Variants in TTC28 observed in about 807,000 individuals in gnomAD.
The protein encoded by TTC28 is tetratricopeptide repeat domain 28, also known as tetratricopeptide repeat protein 28.
TTC28 carries 61 observed loss-of-function variants against 198.0 expected under a neutral mutation model. The ratio of observed to expected loss-of-function variants is 0.31; its 90% confidence interval spans 0.25 to 0.38. The LOEUF is 0.38. Among genes scored for constraint, TTC28 ranks in the 10% least tolerant of loss-of-function variants. The pLI, the probability that TTC28 is intolerant of heterozygous loss-of-function variation, is 1.00. For synonymous variants in TTC28, 1,171 were observed against 1,297.8 expected, an observed-to-expected ratio of 0.90 and a Z score of 2.10; for missense variants, 2,678 against 3,164.0, an observed-to-expected ratio of 0.85 and a Z score of 3.69.
intron 2 of TTC28, among the ~76,000 whole-genome samples, chr22:28,355,840 C>A (rs2046069301): frequency 6.6e-6 from 1 of 152,190 alleles, no homozygotes; most frequent in African/African-American, 2.4e-5. Context: ...ACTATGGAGT[C>A]CAGAACAACG....
At chr22:28,453,902 A>C (rs2047820584) in intron 2 of TTC28, among the ~76,000 whole-genome samples, 1 of 152,198 alleles carries the variant, frequency 6.6e-6, no homozygotes, top group Non-Finnish European at 1.5e-5. Context: ...AAAGGCTTTA[A>C]CATGGCCTAC....
At chr22:28,530,024 C>T (rs1473370164) in intron 2 of TTC28, among the ~76,000 whole-genome samples, 1 of 152,192 alleles carries the variant, frequency 6.6e-6, no homozygotes, top group Non-Finnish European at 1.5e-5. Context: ...CGAAGCTCCT[C>T]GCCAGCAACG....
intron 2 of TTC28, among the ~76,000 whole-genome samples, chr22:28,465,448 A>AC (rs1326243158): frequency 2.0e-5 from 3 of 151,962 alleles, no homozygotes; most frequent in African/African-American, 7.3e-5. Flanking sequence ...ACAAGGTGAA[A>AC]CCCCGTTTCT....
intron 6 of TTC28, among the ~76,000 whole-genome samples, chr22:28,147,791 A>T (rs1174782267): frequency 6.6e-6 from 1 of 152,226 alleles, no homozygotes; most frequent in African/African-American, 2.4e-5. Flanking sequence ...AATAAGTGTC[A>T]TTCCTTTATC....
intron 6 of TTC28, among the ~76,000 whole-genome samples, chr22:28,157,022 A>G (rs1474453786): frequency 1.3e-5 from 2 of 152,220 alleles, no homozygotes; most frequent in East Asian, 3.8e-4. Context: ...GGTTGTTTGA[A>G]AAGTTAAACA....
chr22:28,580,311 C>T lies in TTC28; in HGVS notation c.381+49241G>A, dbSNP rs56904645. Among the ~76,000 whole-genome samples the T allele has an allele frequency of 2.5e-4, 38 of 152,306 alleles. 1 individual carries two copies. In the East Asian group the frequency reaches 7.3e-3, roughly 29 times the overall value. ...TTTTACTATCTCCCTTACCTCCCTA[C>T]AAAGATGCCCTTTATGGTATTTTTA... On this transcript the variant is annotated intron_variant, in intron 2 of 22. Coordinates refer to ENST00000397906, the MANE Select transcript of TTC28 (RefSeq NM_001145418.2).
chr22:28,516,381 T>C (rs750801145), intron 2 of TTC28, among the ~76,000 whole-genome samples: 17 of 152,096 alleles, frequency 1.1e-4, no homozygotes, highest in Non-Finnish European at 2.1e-4. Context: ...AATTGTAAAA[T>C]AGGTGCCACG....
At chr22:28,000,953 C>T (rs1226468258) in intron 15 of TTC28, 3 of 164,378 alleles carry the variant, frequency 1.8e-5, no homozygotes, top group Non-Finnish European at 2.7e-5. Context: ...GTCTGCCCTC[C>T]CTGCCTGGGG....
intron 6 of TTC28, among the ~76,000 whole-genome samples, chr22:28,135,678 T>C (rs985143344): frequency 1.3e-5 from 2 of 152,106 alleles, no homozygotes; most frequent in African/African-American, 4.8e-5. Flanking sequence ...GTTGAGGAAG[T>C]AGAACTTTGT....
intron 6 of TTC28, among the ~76,000 whole-genome samples, chr22:28,125,683 A>T (rs552184880): frequency 1.3e-5 from 2 of 152,234 alleles, no homozygotes; most frequent in Non-Finnish European, 2.9e-5. Flanking sequence ...GTTCATAAAG[A>T]TCTGCTTGAA....
intron 12 of TTC28, among the ~76,000 whole-genome samples, chr22:28,083,331 G>A (rs1184259402): frequency 6.6e-6 from 1 of 152,114 alleles, no homozygotes; most frequent in Non-Finnish European, 1.5e-5. Context: ...TTGAAATACA[G>A]TATTCACCAA....
rs143375023 is a variant in TTC28, at chr22:28,372,399, T to G, written c.382-65756A>C. On this transcript the variant is annotated intron_variant, in intron 2 of 22. Transcript: ENST00000397906. Reference sequence around the variant, plus strand: ...AGAACTTTCAGTGTAAAATTACTGCTGCTTTGAAACTGCAGCATTTCACTC... The same window carrying G: ...AGAACTTTCAGTGTAAAATTACTGCGGCTTTGAAACTGCAGCATTTCACTC... 2.9e-4 allele frequency among the ~76,000 whole-genome samples: 44 copies of G among 152,348 alleles called. 1 individual carries two copies. The highest frequency in any genetic ancestry group is 1.0e-3 in the African/African-American group (42 of 41,586).
At chr22:28,477,028 T>C (rs1282548794) in intron 2 of TTC28, among the ~76,000 whole-genome samples, 1 of 152,204 alleles carries the variant, frequency 6.6e-6, no homozygotes, top group Non-Finnish European at 1.5e-5. Flanking sequence ...AATATATTCA[T>C]ATAATTCCAC....
chr22:28,069,597 G>A (rs1940884257), intron 12 of TTC28, among the ~76,000 whole-genome samples: 1 of 152,138 alleles, frequency 6.6e-6, no homozygotes. Flanking sequence ...TCTATCTACT[G>A]AGAAATTCTG....
intron 2 of TTC28, among the ~76,000 whole-genome samples, chr22:28,492,786 G>A (rs1466625187): frequency 1.3e-5 from 2 of 152,060 alleles, no homozygotes; most frequent in African/African-American, 4.8e-5. Context: ...TACAGTCTGT[G>A]GTCTCTAAAT....
intron 2 of TTC28, among the ~76,000 whole-genome samples, chr22:28,485,353 T>C (rs1009896067): frequency 1.9e-4 from 29 of 152,202 alleles, no homozygotes; most frequent in Non-Finnish European, 1.5e-5. Context: ...GAGTAATCTA[T>C]AACAGTGACT....
intron 5 of TTC28, among the ~76,000 whole-genome samples, chr22:28,202,296 G>C (rs779571802): frequency 5.3e-5 from 8 of 152,188 alleles, no homozygotes; most frequent in Non-Finnish European, 1.0e-4. Context: ...CAGCACTTTG[G>C]GAGGCCAAGG....
intron 2 of TTC28, among the ~76,000 whole-genome samples, chr22:28,615,454 T>A (rs1233069472): frequency 1.3e-5 from 2 of 152,194 alleles, no homozygotes; most frequent in Non-Finnish European, 1.5e-5. Flanking sequence ...ACTGGGTATA[T>A]ACCCAAAGGA....
At chr22:28,186,729 T>C (rs1924241008) in intron 5 of TTC28, among the ~76,000 whole-genome samples, 1 of 152,126 alleles carries the variant, frequency 6.6e-6, no homozygotes, top group African/African-American at 2.4e-5. Flanking sequence ...ACTCTGGGAT[T>C]AGGAATGGTT....
Sources: gnomAD v4.1 joint callset for allele counts (sites outside exome capture counted in the v4.1 genomes callset) on GRCh38, gnomAD v4.1.1 for gene constraint, MANE v1.5 for transcripts, NCBI Gene and HGNC (gene_info 2026-07-23, HGNC 2026-07-21) for gene names.